The following NREP variants were observed in gnomAD, a reference collection of about 807,000 sequenced individuals.
NREP encodes neuronal regeneration-related protein.
Under a neutral mutation model 8.6 loss-of-function variants are expected in NREP, and 5 were observed. The observed-to-expected ratio is 0.58, with a 90% CI of 0.30 to 1.22. NREP has a LOEUF of 1.22. Among genes scored for constraint, NREP ranks in the 50% most tolerant of loss-of-function variants. NREP has a pLI of 0.07. For synonymous variants in NREP, 27 were observed against 28.0 expected, an observed-to-expected ratio of 0.96 and a Z score of 0.11; for missense variants, 86 against 82.5, an observed-to-expected ratio of 1.04 and a Z score of -0.17.
intron 2 of NREP, among the ~76,000 whole-genome samples, chr5:111,868,298 CA>C: frequency 6.6e-6 from 1 of 152,038 alleles, no homozygotes; most frequent in Non-Finnish European, 1.5e-5. Context: ...AGGAAACAAA[CA>C]AATTTAATGT....
At chr5:111,866,042 T>C (rs1753656478) in intron 2 of NREP, among the ~76,000 whole-genome samples, 1 of 152,196 alleles carries the variant, frequency 6.6e-6, no homozygotes, top group Admixed American at 6.6e-5. Context: ...CTCTTGTGGC[T>C]TTCTCTATGG....
chr5:111,784,221 A>AT (rs939512821), intron 2 of NREP, among the ~76,000 whole-genome samples: 5 of 151,430 alleles, frequency 3.3e-5, no homozygotes, highest in South Asian at 2.1e-4. Flanking sequence ...AGGATATTGG[A>AT]TTTTTTTTTA....
chr5:111,730,266 A>G lies in NREP; in HGVS notation c.*655T>C, dbSNP rs981976848. 6.6e-6 allele frequency: 1 copy of G among 152,614 alleles called. No individual in the cohort carries two copies. The highest frequency in any genetic ancestry group is 1.5e-5 in the Non-Finnish European group (1 of 68,052). 9.5% of individuals were successfully genotyped at this position (152,614 alleles called of 1,614,324 possible). The stretch of plus-strand genomic sequence containing the variant: ...CAATCCAGTCTAGAGAACAACATTC[A>G]GGGAAACAGAGTACCAACACCTTCT... On this transcript the variant is annotated 3_prime_UTR_variant, in exon 4 of 4. Transcript: ENST00000257435.
intron 2 of NREP, among the ~76,000 whole-genome samples, chr5:111,882,111 T>A (rs1466958182): frequency 3.3e-5 from 5 of 152,096 alleles, no homozygotes; most frequent in Non-Finnish European, 1.5e-5. Context: ...ATAATTAGAA[T>A]AACCAATACA....
At chr5:111,811,754 T>A (rs899318193) in intron 2 of NREP, among the ~76,000 whole-genome samples, 11 of 152,328 alleles carry the variant, frequency 7.2e-5, no homozygotes, top group East Asian at 1.9e-4. Flanking sequence ...AGGTTTTTTT[T>A]AAATTTTGAA....
At chr5:111,923,781 A>C (rs1297412911) in intron 2 of NREP, among the ~76,000 whole-genome samples, 1 of 152,160 alleles carries the variant, frequency 6.6e-6, no homozygotes. Context: ...TCTTTCTGAC[A>C]TGTAAAGACT....
chr5:111,757,921 GC>G, upstream of NREP: 3 of 985,392 alleles, frequency 3.0e-6, no homozygotes, highest in Non-Finnish European at 3.6e-6. Context: ...GAGAGGCGGC[GC>G]GGCCCGTACT....
intron 2 of NREP, among the ~76,000 whole-genome samples, chr5:111,915,213 T>C (rs927195449): frequency 1.3e-5 from 2 of 152,098 alleles, no homozygotes; most frequent in Non-Finnish European, 1.5e-5. Flanking sequence ...AAAACAATGA[T>C]TGATGGTGAA....
intron 2 of NREP, among the ~76,000 whole-genome samples, chr5:111,816,950 GA>G (rs964341651): frequency 1.3e-4 from 20 of 151,938 alleles, no homozygotes; most frequent in Middle Eastern, 3.5e-3. Context: ...ATACTAATAA[GA>G]AAAAAATGTA....
chr5:111,825,430 A>G (rs1388850374), intron 2 of NREP, among the ~76,000 whole-genome samples: 1 of 152,130 alleles, frequency 6.6e-6, no homozygotes, highest in Non-Finnish European at 1.5e-5. Flanking sequence ...CCACAACTGC[A>G]ATGACATGTT....
At chr5:111,757,671 C>T, upstream of NREP, 1 of 983,768 alleles carries the variant, frequency 1.0e-6, no homozygotes, top group Non-Finnish European at 1.2e-6. Context: ...GCCGTCCCCA[C>T]TGCACCGCGC....
chr5:111,732,218 T>C (rs1748655640), intron 3 of NREP: 1 of 152,184 alleles, frequency 6.6e-6, no homozygotes, highest in African/African-American at 2.4e-5. Flanking sequence ...CATCTGAATT[T>C]CTTTTTAAGA....
At chr5:111,917,030 C>T (rs1259892684) in intron 2 of NREP, among the ~76,000 whole-genome samples, 3 of 152,028 alleles carry the variant, frequency 2.0e-5, no homozygotes, top group African/African-American at 7.2e-5. Context: ...GGCATTTGAC[C>T]TTTTGACTTG....
chr5:111,809,017 C>A (rs1344761431), intron 2 of NREP, among the ~76,000 whole-genome samples: 1 of 152,216 alleles, frequency 6.6e-6, no homozygotes, highest in Non-Finnish European at 1.5e-5. Flanking sequence ...ATTTGTACAT[C>A]TTCCAGGTTG....
chr5:111,883,004 A>G (rs1754129743), intron 2 of NREP, among the ~76,000 whole-genome samples: 2 of 152,226 alleles, frequency 1.3e-5, no homozygotes, highest in Admixed American at 1.3e-4. Flanking sequence ...AATGGACTAA[A>G]TGCTCCAATT....
intron 2 of NREP, among the ~76,000 whole-genome samples, chr5:111,957,494 G>C (rs1218960873): frequency 2.0e-5 from 3 of 151,766 alleles, no homozygotes; most frequent in Non-Finnish European, 4.4e-5. Flanking sequence ...ATATGAACTA[G>C]AAGGCATAGA....
At chr5:111,928,917 T>G (rs929923907) in intron 2 of NREP, among the ~76,000 whole-genome samples, 27 of 152,140 alleles carry the variant, frequency 1.8e-4, no homozygotes, top group Non-Finnish European at 4.0e-4. Flanking sequence ...ATGTCCCAGT[T>G]TAAAACAAAC....
At chr5:111,803,918 T>C (rs146856983) in intron 2 of NREP, among the ~76,000 whole-genome samples, 1 of 152,310 alleles carries the variant, frequency 6.6e-6, no homozygotes, top group East Asian at 1.9e-4. Flanking sequence ...ATTCTTGGAT[T>C]AGGAGAATAA....
intron 2 of NREP, among the ~76,000 whole-genome samples, chr5:111,911,228 A>G (rs1272339055): frequency 1.3e-5 from 2 of 152,150 alleles, no homozygotes; most frequent in African/African-American, 4.8e-5. Context: ...TCTTGATATC[A>G]TATCTGCATC....
Sources: allele counts gnomAD v4.1 joint callset (sites outside exome capture counted in the v4.1 genomes callset), GRCh38; gene constraint gnomAD v4.1.1; transcripts MANE v1.5; gene names NCBI Gene and HGNC (gene_info 2026-07-23, HGNC 2026-07-21).